Variants in COA1 observed in about 807,000 individuals in gnomAD.
COA1 encodes cytochrome c oxidase assembly factor 1 homolog.
A neutral mutation model predicts 16.0 loss-of-function variants in COA1; 13 were observed. That is an observed-to-expected ratio of 0.81 (90% CI 0.53 to 1.29). The LOEUF (loss-of-function observed/expected upper bound fraction) is 1.29, where lower values mean the gene tolerates loss of function less well. Ranked by LOEUF, COA1 falls within the 50% of genes most tolerant of loss-of-function variation. The pLI is 0.00. For missense variants in COA1, 179 were observed against 177.0 expected (o/e 1.01, Z -0.06); for synonymous variants, 65 against 65.7 (o/e 0.99, Z 0.05).
Position 43,645,253 on chromosome 7 carries a change from T to G in COA1, c.262A>C (p.Lys88Gln). ...RENFVDIVDA[K>Q]LKIPVSGSKS... is the part of the protein sequence containing the mutation. ...GGTTCGCAGGGAAAGCACATTACCT[T>G]GGCATCAACAATGTCCACGAAGTTT... The change falls in exon 4 of 6, where the codon AAG (lysine) becomes CAG (glutamine). Residue 88 changes from lysine to glutamine, a missense_variant and splice_region_variant. Transcript: ENST00000223336. The G allele has an allele frequency of 6.2e-7, 1 of 1,613,856 alleles. No homozygotes were observed. Among genetic ancestry groups the G allele is most frequent in the Non-Finnish European group, 8.5e-7 (1 of 1,179,862 alleles).
intron 1 of COA1, among the ~76,000 whole-genome samples, chr7:43,700,973 C>T (rs1271373153): frequency 2.6e-5 from 4 of 152,036 alleles, no homozygotes; most frequent in Non-Finnish European, 5.9e-5. Flanking sequence ...TTCCCTCCTA[C>T]AAAAGCAAGC....
At chr7:43,689,451 C>T (rs2094178042) in intron 1 of COA1, among the ~76,000 whole-genome samples, 1 of 152,156 alleles carries the variant, frequency 6.6e-6, no homozygotes, top group African/African-American at 2.4e-5. Context: ...CAAAAAAACA[C>T]TTCTCAGCAG....
rs187826696 is a variant in COA1 at position 43,633,816 on chromosome 7, A to G, written c.*133+5633T>C. Among the ~76,000 whole-genome samples the G allele has an allele frequency of 4.4e-3, 661 of 151,696 alleles. 8 individuals are homozygous for G. Among genetic ancestry groups the G allele is most frequent in the African/African-American group, 0.015 (622 of 41,418 alleles). The stretch of plus-strand genomic sequence containing the variant: ...TAAACTCTCAGCCATTTTTTTTTTC[A>G]AATACTTTTTCAGCCCCACCCTCCC... On this transcript the variant is annotated intron_variant and NMD_transcript_variant, in intron 6 of 6. Coordinates refer to the COA1 transcript ENST00000415076.
intron 1 of COA1, among the ~76,000 whole-genome samples, chr7:43,662,039 C>T (rs2092480673): frequency 6.6e-6 from 1 of 152,106 alleles, no homozygotes; most frequent in African/African-American, 2.4e-5. Context: ...TAACAGAATA[C>T]AAAAAGGTTT....
chr7:43,721,418 A>G (rs1049066371), intron 1 of COA1, among the ~76,000 whole-genome samples: 5 of 152,234 alleles, frequency 3.3e-5, no homozygotes, highest in African/African-American at 1.2e-4. Context: ...GTTGGAAGAG[A>G]TAACTAGCCA....
chr7:43,668,619 G>C (rs957328811), intron 1 of COA1, among the ~76,000 whole-genome samples: 1 of 152,138 alleles, frequency 6.6e-6, no homozygotes, highest in Non-Finnish European at 1.5e-5. Flanking sequence ...TTATTCCTGT[G>C]AATCAAGTGG....
At chr7:43,656,109 A>G (rs1563273938) in intron 1 of COA1, 1 of 152,256 alleles carries the variant, frequency 6.6e-6, no homozygotes, top group Non-Finnish European at 1.5e-5. Context: ...CAGTACCAGC[A>G]GAACATCCAT....
At chr7:43,690,907 C>A (rs1220203624) in intron 1 of COA1, among the ~76,000 whole-genome samples, 5 of 151,620 alleles carry the variant, frequency 3.3e-5, no homozygotes, top group Admixed American at 6.6e-5. Context: ...AAGGAGGGCC[C>A]TACAAGAGAA....
intron 1 of COA1, among the ~76,000 whole-genome samples, chr7:43,681,755 T>C (rs1234409551): frequency 1.3e-5 from 2 of 152,214 alleles, no homozygotes; most frequent in African/African-American, 4.8e-5. Context: ...TTAAAATCTA[T>C]TATTCCTTTC....
intron 1 of COA1, among the ~76,000 whole-genome samples, chr7:43,696,584 C>T (rs965275971): frequency 2.6e-5 from 4 of 152,054 alleles, no homozygotes; most frequent in Non-Finnish European, 4.4e-5. Context: ...AGTTCAAAAT[C>T]ACAAGGCTGA....
At chr7:43,667,139 T>C (rs956138572) in intron 1 of COA1, among the ~76,000 whole-genome samples, 11 of 152,216 alleles carry the variant, frequency 7.2e-5, no homozygotes, top group Non-Finnish European at 1.3e-4. Flanking sequence ...TGGTAAAGGC[T>C]AATGAAAGGT....
rs539783871 is a variant in COA1 at position 43,612,552 on chromosome 7, C to T, written c.*134-3057G>A. On this transcript the variant is annotated intron_variant and NMD_transcript_variant, in intron 6 of 6. Coordinates refer to the COA1 transcript ENST00000415076. Reference sequence around the variant, plus strand: ...TTTTCATTCTCTAAAAACTGATAATCCCAATATGTATGGTAATTTTGAATT... The same window carrying T: ...TTTTCATTCTCTAAAAACTGATAATTCCAATATGTATGGTAATTTTGAATT... 6.6e-5 allele frequency among the ~76,000 whole-genome samples: 10 copies of T among 152,312 alleles called. No homozygotes were observed. In the South Asian group the frequency reaches 1.7e-3, roughly 25 times the overall value.
intron 6 of COA1, chr7:43,626,331 T>C (rs994827526): frequency 6.6e-6 from 1 of 152,236 alleles, no homozygotes; most frequent in Non-Finnish European, 1.5e-5. Context: ...CATAGACATA[T>C]ACAAAGTCAG....
At chr7:43,714,780 G>C (rs1362603819) in intron 1 of COA1, among the ~76,000 whole-genome samples, 1 of 152,028 alleles carries the variant, frequency 6.6e-6, no homozygotes, top group African/African-American at 2.4e-5. Context: ...AACCAATGCA[G>C]ATGGATCACT....
At chr7:43,691,681 T>C (rs1307304643) in intron 1 of COA1, among the ~76,000 whole-genome samples, 1 of 152,154 alleles carries the variant, frequency 6.6e-6, no homozygotes, top group Non-Finnish European at 1.5e-5. Context: ...CTCTATCCTC[T>C]GACAAGAATT....
At chr7:43,644,759 TAGGCAGGCAGGCAGGCAGGC>T (rs141430575) in intron 4 of COA1, among the ~76,000 whole-genome samples, 2 of 114,614 alleles carry the variant, frequency 1.7e-5, no homozygotes, top group African/African-American at 7.1e-5. Context: ...GATAGATAGA[TAGGCAGGCAGGCAGGCAGGC>T]AGGCAGGCAG....
At chr7:43,719,963 T>C in intron 1 of COA1, among the ~76,000 whole-genome samples, 1 of 152,062 alleles carries the variant, frequency 6.6e-6, no homozygotes. Context: ...AGTTAAATAT[T>C]TGGGGTTTAT....
chr7:43,651,988 C>T (rs142689016), intron 1 of COA1, among the ~76,000 whole-genome samples: 1 of 152,242 alleles, frequency 6.6e-6, no homozygotes, highest in African/African-American at 2.4e-5. Context: ...CAGAGCGAGG[C>T]CCTGTTTCAA....
intron 1 of COA1, among the ~76,000 whole-genome samples, chr7:43,704,756 G>A (rs1180841036): frequency 6.6e-6 from 1 of 151,992 alleles, no homozygotes; most frequent in Non-Finnish European, 1.5e-5. Flanking sequence ...TCTCCTCTAT[G>A]TCGACTAGCT....
Sources: allele counts gnomAD v4.1 joint callset (sites outside exome capture counted in the v4.1 genomes callset), GRCh38; gene constraint gnomAD v4.1.1; transcripts MANE v1.5; gene names NCBI Gene and HGNC (gene_info 2026-07-23, HGNC 2026-07-21).